Variants in RUSC2 observed in about 807,000 individuals in gnomAD.
RUSC2 encodes the protein AP-4 complex accessory subunit RUSC2.
Under a neutral mutation model 122.2 loss-of-function variants are expected in RUSC2, and 34 were observed. The observed-to-expected ratio is 0.28, with a 90% CI of 0.21 to 0.37. The LOEUF (loss-of-function observed/expected upper bound fraction) is 0.37. Among genes scored for constraint, RUSC2 ranks in the 10% least tolerant of loss-of-function variants. The pLI is 1.00. For missense variants in RUSC2, 1,747 were observed against 1,952.4 expected (o/e 0.89, Z 1.98); for synonymous variants, 784 against 790.0 (o/e 0.99, Z 0.13).
chr9:35,549,479 A>G (rs1228803565), intron 2 of RUSC2, among the ~76,000 whole-genome samples: 1 of 152,226 alleles, frequency 6.6e-6, no homozygotes, highest in Non-Finnish European at 1.5e-5. Context: ...CAAGGATTCC[A>G]GCTAAGGACA....
rs750872152 is a variant in RUSC2 at position 35,561,016 on chromosome 9, C to G, written c.4268C>G (p.Thr1423Arg). Residue 1423 changes from threonine to arginine, a missense_variant, in exon 11 of 12, where the codon ACA (threonine) becomes AGA (arginine). By Grantham distance (71) the Thr-to-Arg change is moderately conservative. Transcript: ENST00000361226. Reference protein sequence around the residue: ...DKSMFQLVAQTVGSRREPEPK... With the variant: ...DKSMFQLVAQRVGSRREPEPK... ...TCCATGTTCCAACTAGTGGCGCAGA[C>G]AGTGGGTTCCCGCCGGGAGCCAGAG... 4 of 1,614,192 alleles carry G rather than the reference C, an allele frequency of 2.5e-6. No homozygotes were observed. The highest frequency in any genetic ancestry group is 2.2e-5 in the East Asian group (1 of 44,878).
At chr9:35,507,228 G>A (rs1177919635) in intron 1 of RUSC2, among the ~76,000 whole-genome samples, 1 of 152,140 alleles carries the variant, frequency 6.6e-6, no homozygotes, top group African/African-American at 2.4e-5. Context: ...GGATGTAATT[G>A]TAGCATTAAG....
At chr9:35,527,135 G>A (rs914038259) in intron 1 of RUSC2, among the ~76,000 whole-genome samples, 2 of 63,292 alleles carry the variant, frequency 3.2e-5, no homozygotes, top group African/African-American at 7.7e-5. Flanking sequence ...TTGTCCTTTC[G>A]TTGTTTTTTT....
chr9:35,544,581 C>T (rs906604503), intron 1 of RUSC2, among the ~76,000 whole-genome samples: 1 of 152,142 alleles, frequency 6.6e-6, no homozygotes, highest in Non-Finnish European at 1.5e-5. Context: ...GTTAGGATTA[C>T]GGGCGTGAGC....
At chr9:35,532,699 T>C (rs1162277269) in intron 1 of RUSC2, among the ~76,000 whole-genome samples, 1 of 151,502 alleles carries the variant, frequency 6.6e-6, no homozygotes, top group Non-Finnish European at 1.5e-5. Flanking sequence ...TGAGCCAAGA[T>C]CAGCCACTGC....
At chr9:35,544,301 A>G in intron 1 of RUSC2, among the ~76,000 whole-genome samples, 1 of 133,212 alleles carries the variant, frequency 7.5e-6, no homozygotes, top group South Asian at 2.4e-4. Flanking sequence ...AAACTGGATC[A>G]TATGTCTTTT....
intron 1 of RUSC2, among the ~76,000 whole-genome samples, chr9:35,513,903 CAT>C (rs3068511): frequency 0.081 from 8,440 of 103,932 alleles, 398 homozygotes; most frequent in African/African-American, 0.17. Context: ...CTTCAACAAA[CAT>C]ATATATATAT....
chr9:35,561,415 T>TCATAACC lies in RUSC2; in HGVS notation c.*35_*41dup. On this transcript the variant is annotated 3_prime_UTR_variant, in exon 12 of 12. Transcript: ENST00000361226. ...TGCATGCTGGTGGCCTCAGGGACCC[T>TCATAACC]CATAACCCCCAGACTCAGAGCCCGA... 1.9e-6 allele frequency: 3 copies of TCATAACC among 1,552,912 alleles called. No homozygotes were observed. The South Asian group carries it at 3.6e-5, about 19-fold the overall frequency.
intron 1 of RUSC2, among the ~76,000 whole-genome samples, chr9:35,528,396 A>G (rs1243157539): frequency 6.6e-6 from 1 of 152,104 alleles, no homozygotes; most frequent in Non-Finnish European, 1.5e-5. Flanking sequence ...TAAAAAAAAA[A>G]AAGTATATAT....
intron 1 of RUSC2, among the ~76,000 whole-genome samples, chr9:35,511,848 T>C (rs765022199): frequency 4.6e-5 from 7 of 152,194 alleles, no homozygotes; most frequent in South Asian, 2.1e-4. Context: ...GTTTATGTTA[T>C]CTACCTGTAA....
chr9:35,536,392 A>G (rs1821528314), intron 1 of RUSC2, among the ~76,000 whole-genome samples: 3 of 152,206 alleles, frequency 2.0e-5, no homozygotes, highest in Admixed American at 2.0e-4. Context: ...AGGTTTGGAT[A>G]ATTTTGAACA....
intron 2 of RUSC2, among the ~76,000 whole-genome samples, chr9:35,550,244 G>C (rs916248023): frequency 1.3e-4 from 20 of 151,974 alleles, no homozygotes; most frequent in Admixed American, 6.6e-5. Flanking sequence ...ATCACTGGTT[G>C]TTTGGGTAGA....
intron 2 of RUSC2, chr9:35,549,218 G>C (rs921432938): frequency 1.1e-4 from 110 of 985,154 alleles, no homozygotes; most frequent in Non-Finnish European, 1.3e-4. Context: ...AGACCTTTAG[G>C]AGTTTGCAGT....
chr9:35,555,093 A>G lies in RUSC2; in HGVS notation c.2048A>G (p.Tyr683Cys). ...GGTESRPVLR[Y>C]SKEQRPTTLP... ...ACCGAGAGCCGACCAGTCCTTCGCT[A>G]CAGCAAGGAACAGAGGCCAACCACA... Residue 683 changes from tyrosine to cysteine, a missense_variant, in exon 3 of 12, where the codon TAC becomes TGC. Tyr to Cys is a radical substitution (Grantham distance 194, BLOSUM62 -2). Transcript: ENST00000361226. The surrounding 1 kb of genome is among the most constrained non-coding windows in gnomAD (Gnocchi z 4.6). The G allele has an allele frequency of 1.2e-6, 2 of 1,613,040 alleles. No homozygotes were observed. The highest frequency in any genetic ancestry group is 1.7e-6 in the Non-Finnish European group (2 of 1,179,918).
chr9:35,548,201 C>T lies in RUSC2; in HGVS notation c.1680C>T (p.Pro560=), dbSNP rs139808578. 3.7e-6 allele frequency: 6 copies of T among 1,613,250 alleles called. No individual in the cohort carries two copies. The highest frequency in any genetic ancestry group is 2.2e-5 in the East Asian group (1 of 44,874). The change falls in exon 2 of 12, where the codon CCC becomes CCT. Residue 560 remains proline, a synonymous_variant. Coordinates refer to ENST00000361226, the MANE Select transcript of RUSC2 (RefSeq NM_014806.5). This position sits in a 1 kb window ranked among gnomAD's most constrained non-coding sequence, Gnocchi z 4.5. ...GRKKTGGSGS[P]PLRVSVGDSS... ...AGAAAACTGGAGGCTCTGGCTCGCC[C>T]CCACTTCGTGTGAGTGTTGGGGACT...
At chr9:35,502,613 A>G (rs1350235871) in intron 1 of RUSC2, among the ~76,000 whole-genome samples, 2 of 152,316 alleles carry the variant, frequency 1.3e-5, no homozygotes, top group Middle Eastern at 3.4e-3. Flanking sequence ...TTTTCTGAAT[A>G]TAGATGAAAT....
chr9:35,522,629 A>C (rs1422336685), intron 1 of RUSC2, among the ~76,000 whole-genome samples: 1 of 152,212 alleles, frequency 6.6e-6, no homozygotes, highest in Non-Finnish European at 1.5e-5. Context: ...AATACAGTAG[A>C]TGCTTGTGGC....
chr9:35,550,542 C>A (rs1199066438), intron 2 of RUSC2, among the ~76,000 whole-genome samples: 1 of 151,908 alleles, frequency 6.6e-6, no homozygotes, highest in Non-Finnish European at 1.5e-5. Flanking sequence ...AGGAGAATCG[C>A]TTGAACCCAG....
rs1330908088 is a variant in RUSC2, at chr9:35,508,847, GA to G, written c.-93+18679del. Among the ~76,000 whole-genome samples the G allele has an allele frequency of 6.6e-5, 10 of 152,100 alleles. No individual in the cohort carries two copies. In the East Asian group the frequency reaches 1.9e-3, roughly 29 times the overall value. Reference sequence around the variant, plus strand: ...ACATCAGTGGGGACAAAAACAAAAGGAAAAGACAGAAAGAATACAAGTACAT... The same window carrying G: ...ACATCAGTGGGGACAAAAACAAAAGGAAAGACAGAAAGAATACAAGTACAT... On this transcript the variant is annotated intron_variant, in intron 1 of 11. Coordinates refer to ENST00000361226, the MANE Select transcript of RUSC2 (RefSeq NM_014806.5).
Sources: allele counts gnomAD v4.1 joint callset (sites outside exome capture counted in the v4.1 genomes callset), GRCh38; gene constraint gnomAD v4.1.1; non-coding constraint Gnocchi (gnomAD v3.1); transcripts MANE v1.5; gene names NCBI Gene and HGNC (gene_info 2026-07-23, HGNC 2026-07-21).